SANBR: variants seen among roughly 807,000 people sequenced by gnomAD.
SANBR encodes SANT and BTB domain regulator of class switch recombination.
Under a neutral mutation model 101.8 loss-of-function variants are expected in SANBR, and 77 were observed. The observed-to-expected ratio is 0.76, with a 90% CI of 0.63 to 0.91. The LOEUF (loss-of-function observed/expected upper bound fraction) is 0.91, where lower values mean the gene tolerates loss of function less well. Ranked by LOEUF, SANBR falls within the 40% of genes least tolerant of loss-of-function variation. The pLI, the probability that SANBR is intolerant of heterozygous loss-of-function variation, is 0.00. For missense variants in SANBR, 875 were observed against 853.0 expected (o/e 1.03, Z -0.32); for synonymous variants, 279 against 274.7 (o/e 1.02, Z -0.15).
chr2:61,099,830 TAAAG>T (rs953461257), intron 12 of SANBR, among the ~76,000 whole-genome samples: 1 of 152,016 alleles, frequency 6.6e-6, no homozygotes, highest in African/African-American at 2.4e-5. Flanking sequence ...GGAGTAATAT[TAAAG>T]AAAGAGTGGA....
At chr2:61,128,831 A>G (rs1471058208), downstream of SANBR, among the ~76,000 whole-genome samples, 1 of 152,018 alleles carries the variant, frequency 6.6e-6, no homozygotes, top group Non-Finnish European at 1.5e-5. Flanking sequence ...ACATAGTGGC[A>G]CACACCTGTA....
intron 5 of SANBR, 136 bp from the exon 6 acceptor site, chr2:61,076,784 T>A (rs1681808598): frequency 1.6e-6 from 1 of 643,740 alleles, no homozygotes; most frequent in Admixed American, 2.9e-5. Flanking sequence ...TTGAAAAATG[T>A]CAAGACCCTA....
chr2:61,102,796 C>G (rs998496075), intron 12 of SANBR, among the ~76,000 whole-genome samples: 4 of 152,098 alleles, frequency 2.6e-5, no homozygotes, highest in South Asian at 4.1e-4. Flanking sequence ...CCTCAGCCTC[C>G]CAGAGTGCTG....
intron 6 of SANBR, among the ~76,000 whole-genome samples, chr2:61,080,040 T>C (rs527248006): frequency 2.7e-5 from 4 of 148,824 alleles, no homozygotes; most frequent in African/African-American, 9.9e-5. Context: ...CTACTAAAAG[T>C]ACAAAAATAA....
At chr2:61,074,512 A>G (rs1266192580) in intron 5 of SANBR, among the ~76,000 whole-genome samples, 2 of 152,170 alleles carry the variant, frequency 1.3e-5, no homozygotes, top group African/African-American at 4.8e-5. Flanking sequence ...AGGCTCAGGC[A>G]ATTCTCATGC....
downstream of SANBR, among the ~76,000 whole-genome samples, chr2:61,125,151 T>C (rs960788782): frequency 5.9e-5 from 9 of 152,200 alleles, no homozygotes; most frequent in Admixed American, 2.0e-4. Context: ...TCCACCCTTA[T>C]AAGATTTTGG....
rs1681632318 is a variant in SANBR, at chr2:61,074,130, ATACT to A, written c.431+585_431+588del. On this transcript the variant is annotated intron_variant, in intron 5 of 21. Transcript: ENST00000402291. ...TTATTATTTCTGAAAGTTCCTTTGTATACTTACTTTTCATGGATTTTTATGAAAA... is the reference window on the plus strand; with the variant it reads ...TTATTATTTCTGAAAGTTCCTTTGTATACTTTTCATGGATTTTTATGAAAA... 2.6e-5 allele frequency among the ~76,000 whole-genome samples: 4 copies of A among 152,188 alleles called. No individual in the cohort carries two copies. In the South Asian group the frequency reaches 8.3e-4, roughly 32 times the overall value.
chr2:61,081,607 T>C (rs554354705), intron 7 of SANBR, 97 bp downstream of exon 7: 2 of 1,250,148 alleles, frequency 1.6e-6, no homozygotes, highest in South Asian at 3.1e-5. Flanking sequence ...ATTAAAATTA[T>C]TGTTAATTGA....
In SANBR at chr2:61,124,114, ATG is replaced by A. The variant is rs1318580305; in HGVS notation, c.*1956_*1957del. The A allele has an allele frequency of 1.0e-6, 1 of 964,122 alleles. No homozygotes were observed. The highest frequency in any genetic ancestry group is 1.8e-5 in the African/African-American group (1 of 56,816). 59.7% of individuals were successfully genotyped at this position (964,122 alleles called of 1,614,324 possible). On this transcript the variant is annotated 3_prime_UTR_variant, in exon 22 of 22. Transcript: ENST00000402291. ...CATCTCAATTTAAAACAAAAAAAGA[ATG>A]TGTTTTTAATTTTGTTAATGTTTGT...
chr2:61,097,794 G>C lies in SANBR; in HGVS notation c.1307G>C (p.Gly436Ala), dbSNP rs573071373. ...AGTTCATTGAATACTGTTGGCACTG[G>C]AATTTATCCCTGCTGTAACCAAAAG... ...AASSLNTVGT[G>A]IYPCCNQKVL... The change falls in exon 12 of 22, where the codon GGA becomes GCA. Residue 436 changes from glycine (G) to alanine (A), a missense_variant. Gly to Ala is a moderately conservative substitution (Grantham distance 60, BLOSUM62 0). Coordinates refer to ENST00000402291, the MANE Select transcript of SANBR (RefSeq NM_001129993.3). 6.2e-7 allele frequency: 1 copy of C among 1,613,378 alleles called. No homozygotes were observed. The highest frequency in any genetic ancestry group is 1.3e-5 in the African/African-American group (1 of 74,974).
At chr2:61,127,681 T>C (rs565918536), downstream of SANBR, among the ~76,000 whole-genome samples, 4 of 151,834 alleles carry the variant, frequency 2.6e-5, no homozygotes, top group Middle Eastern at 3.4e-3. Context: ...AAAATAACAT[T>C]ATAAACAGAA....
At position 61,108,358 on chromosome 2, in the gene SANBR, G is replaced by A; in HGVS notation, c.1644+9G>A. 2 of 1,540,468 alleles carry A rather than the reference G, an allele frequency of 1.3e-6. No homozygotes were observed. The highest frequency in any genetic ancestry group is 1.2e-5 in the South Asian group (1 of 84,142). On this transcript the variant is annotated intron_variant, in intron 15 of 21. Coordinates refer to ENST00000402291, the MANE Select transcript of SANBR (RefSeq NM_001129993.3). ...ACTGGACTCTACAACTGGTAAGTGA[G>A]CAATTACAGTTAGCATTCATGGATC...
chr2:61,132,493 G>T (rs1226574207), intron 20 of SANBR, among the ~76,000 whole-genome samples: 8 of 152,138 alleles, frequency 5.3e-5, no homozygotes, highest in Admixed American at 3.9e-4. Flanking sequence ...CAGTAGAATG[G>T]CTATAAGCAA....
chr2:61,079,360 A>G (rs116807112), intron 6 of SANBR, among the ~76,000 whole-genome samples: 3,733 of 152,336 alleles, frequency 0.025, 85 homozygotes, highest in Middle Eastern at 0.082. Context: ...GTATGATCAC[A>G]CTTGTGGTTT....
chr2:61,119,487 A>T (rs1368343444), intron 20 of SANBR, among the ~76,000 whole-genome samples: 1 of 152,230 alleles, frequency 6.6e-6, no homozygotes, highest in Middle Eastern at 3.2e-3. Flanking sequence ...AGGAATGTGT[A>T]TCCAGAATCT....
At chr2:61,083,660 G>A (rs1020242869) in intron 8 of SANBR, among the ~76,000 whole-genome samples, 3 of 152,022 alleles carry the variant, frequency 2.0e-5, no homozygotes, top group Non-Finnish European at 4.4e-5. Context: ...ACGAGGTCAA[G>A]AGATCAAGGC....
At chr2:61,081,682 T>C (rs1015099484) in intron 7 of SANBR, among the ~76,000 whole-genome samples, 172 bp downstream of exon 7, 2 of 152,210 alleles carry the variant, frequency 1.3e-5, no homozygotes, top group Non-Finnish European at 2.9e-5. Context: ...AGAGTCTCGC[T>C]CTGTCACCCA....
Position 61,065,893 on chromosome 2 carries a change from C to CGGGCGG in SANBR, c.-272_-267dup, listed in dbSNP as rs1681117465. 1 of 151,996 alleles carries CGGGCGG rather than the reference C, an allele frequency of 6.6e-6. No homozygotes were observed. Among genetic ancestry groups the CGGGCGG allele is most frequent in the South Asian group, 2.1e-4 (1 of 4,834 alleles). 9.4% of individuals were successfully genotyped at this position (151,996 alleles called of 1,614,324 possible). On this transcript the variant is annotated 5_prime_UTR_variant, in exon 1 of 22. Coordinates refer to ENST00000402291, the MANE Select transcript of SANBR (RefSeq NM_001129993.3). ...GCTAGTCTCCGCAGCCGCCTGCAAG[C>CGGGCGG]GGGCGGGGGCGGGGTGTGAGGCGCT...
At chr2:61,121,474 A>T (rs1454717818) in intron 21 of SANBR, 198 bp downstream of exon 21, 1 of 425,084 alleles carries the variant, frequency 2.4e-6, no homozygotes, top group Non-Finnish European at 4.4e-6. Context: ...AGCTTTGTGG[A>T]TTTTTTAAAG....
Sources: gnomAD v4.1 joint callset for allele counts (sites outside exome capture counted in the v4.1 genomes callset) on GRCh38, gnomAD v4.1.1 for gene constraint, MANE v1.5 for transcripts, NCBI Gene and HGNC (gene_info 2026-07-23, HGNC 2026-07-21) for gene names.